Variants in RBFOX1 observed in about 807,000 individuals in gnomAD.
RBFOX1 encodes the protein RNA binding protein fox-1 homolog 1.
A neutral mutation model predicts 57.7 loss-of-function variants in RBFOX1; 8 were observed. The observed-to-expected ratio is 0.14, with a 90% CI of 0.08 to 0.25. RBFOX1 has a LOEUF of 0.25. Ranked by LOEUF, RBFOX1 falls within the 10% of genes least tolerant of loss-of-function variation. The pLI, the probability that RBFOX1 is intolerant of heterozygous loss-of-function variation, is 1.00. For synonymous variants in RBFOX1, 326 were observed against 222.4 expected (o/e 1.47, Z -4.15); for missense variants, 611 against 548.5 (o/e 1.11, Z -1.14).
rs34048578 is a variant in RBFOX1 at position 5,764,797 on chromosome 16, A to ATT, written c.319-102499_319-102498dup. 1.5e-3 allele frequency among the ~76,000 whole-genome samples: 231 copies of ATT among 151,842 alleles called. 2 individuals are homozygous for ATT. The highest frequency in any genetic ancestry group is 2.0e-3 in the Non-Finnish European group (134 of 67,936). On this transcript the variant is annotated intron_variant, in intron 3 of 19. Coordinates refer to the RBFOX1 transcript ENST00000641259. ...CCTACCTGTCATTATAACCATCATC[A>ATT]TTTTTTTTATCATTACAGCTTATTA...
At chr16:6,766,512 G>A (rs562768269) in intron 3 of RBFOX1, among the ~76,000 whole-genome samples, 1 of 151,822 alleles carries the variant, frequency 6.6e-6, no homozygotes, top group Non-Finnish European at 1.5e-5. Flanking sequence ...AAATATTCCG[G>A]AATAGCACTG....
chr16:7,614,034 C>A (rs557793887), intron 10 of RBFOX1, among the ~76,000 whole-genome samples: 1 of 152,284 alleles, frequency 6.6e-6, no homozygotes, highest in South Asian at 2.1e-4. Context: ...CCCTTCAAAG[C>A]AGCAAATATT....
intron 3 of RBFOX1, among the ~76,000 whole-genome samples, chr16:6,888,067 A>C (rs974528090): frequency 6.6e-6 from 1 of 152,120 alleles, no homozygotes; most frequent in African/African-American, 2.4e-5. Flanking sequence ...AGACGTTCCC[A>C]GGTAATTAGT....
chr16:5,500,220 C>CCGTTG (rs2043146538), intron 2 of RBFOX1, among the ~76,000 whole-genome samples: 7 of 115,046 alleles, frequency 6.1e-5, no homozygotes, highest in African/African-American at 2.5e-4. Flanking sequence ...GCATTCCGTT[C>CCGTTG]CGTTCCGTTC....
chr16:5,718,677 C>T (rs1260247058), intron 3 of RBFOX1, among the ~76,000 whole-genome samples: 2 of 152,078 alleles, frequency 1.3e-5, no homozygotes, highest in African/African-American at 4.8e-5. Context: ...GAGGCCAAGG[C>T]AGGTGGATCA....
At position 6,158,884 on chromosome 16, in the gene RBFOX1, A is replaced by C. The variant is rs150465628; in HGVS notation, c.-127+138892A>C. On this transcript the variant is annotated intron_variant, in intron 1 of 15. Coordinates refer to ENST00000550418, the MANE Select transcript of RBFOX1 (RefSeq NM_018723.4). ...GTTGGTTTTCTAGCTTTTTCTGACT[A>C]GGTGAAATTTCTCTGTCATAGGTTT... Among the ~76,000 whole-genome samples, 98 of 149,846 alleles carry C rather than the reference A, an allele frequency of 6.5e-4. No homozygotes were observed. The East Asian group carries it at 0.017, about 26-fold the overall frequency.
At chr16:5,355,415 A>G (rs1318592526) in intron 1 of RBFOX1, among the ~76,000 whole-genome samples, 2 of 152,168 alleles carry the variant, frequency 1.3e-5, no homozygotes, top group African/African-American at 4.8e-5. Context: ...AAGCCTGAGG[A>G]CAAGGAGACC....
At chr16:5,587,824 A>C (rs1014504407) in intron 2 of RBFOX1, among the ~76,000 whole-genome samples, 1 of 152,206 alleles carries the variant, frequency 6.6e-6, no homozygotes, top group East Asian at 1.9e-4. Flanking sequence ...TTAAGCAAAG[A>C]GTTGTCGTAT....
At chr16:6,537,065 G>A (rs1171785696) in intron 2 of RBFOX1, among the ~76,000 whole-genome samples, 1 of 152,118 alleles carries the variant, frequency 6.6e-6, no homozygotes, top group East Asian at 1.9e-4. Context: ...CTCAGCTCTG[G>A]TATAGGAAAC....
intron 2 of RBFOX1, among the ~76,000 whole-genome samples, chr16:6,639,335 G>A (rs889650899): frequency 6.6e-6 from 1 of 152,092 alleles, no homozygotes; most frequent in Admixed American, 6.6e-5. Context: ...TGTAGTGCTA[G>A]GATCTTTACA....
intron 2 of RBFOX1, among the ~76,000 whole-genome samples, chr16:6,464,462 CGTT>C (rs1193442809): frequency 2.6e-5 from 4 of 152,150 alleles, no homozygotes; most frequent in Non-Finnish European, 4.4e-5. Flanking sequence ...CAACAACAAG[CGTT>C]GTTTGTAATA....
At chr16:7,445,787 C>G (rs2098803259) in intron 4 of RBFOX1, among the ~76,000 whole-genome samples, 1 of 152,108 alleles carries the variant, frequency 6.6e-6, no homozygotes, top group Non-Finnish European at 1.5e-5. Context: ...ACTGATATCC[C>G]AAAAGTACCT....
At chr16:5,794,212 C>T (rs1173907582) in intron 3 of RBFOX1, among the ~76,000 whole-genome samples, 3 of 152,146 alleles carry the variant, frequency 2.0e-5, no homozygotes, top group African/African-American at 7.2e-5. Context: ...TGCATGGAAA[C>T]GTACAGAAAA....
intron 2 of RBFOX1, among the ~76,000 whole-genome samples, chr16:6,637,026 T>A (rs1203624075): frequency 9.0e-6 from 1 of 111,090 alleles, no homozygotes; most frequent in Non-Finnish European, 1.7e-5. Context: ...TGTATAAACA[T>A]TTATATGGAT....
At chr16:5,839,303 C>T (rs139690704) in intron 3 of RBFOX1, among the ~76,000 whole-genome samples, 1 of 152,124 alleles carries the variant, frequency 6.6e-6, no homozygotes, top group Non-Finnish European at 1.5e-5. Flanking sequence ...AACCAGAAAT[C>T]TCATATTTCT....
chr16:7,033,295 A>C (rs1023734357), intron 3 of RBFOX1, among the ~76,000 whole-genome samples: 3 of 152,164 alleles, frequency 2.0e-5, no homozygotes, highest in African/African-American at 7.2e-5. Flanking sequence ...CGAGGCGGGC[A>C]GATCACCCGA....
At chr16:7,143,679 G>T (rs1288100821) in intron 4 of RBFOX1, among the ~76,000 whole-genome samples, 1 of 152,010 alleles carries the variant, frequency 6.6e-6, no homozygotes, top group African/African-American at 2.4e-5. Context: ...CTGCAGATAC[G>T]ATCCTCAGCA....
At chr16:6,044,528 C>T (rs901443377) in intron 1 of RBFOX1, among the ~76,000 whole-genome samples, 2 of 151,648 alleles carry the variant, frequency 1.3e-5, no homozygotes, top group African/African-American at 2.4e-5. Context: ...CACAGGTGAG[C>T]TAATGAGCTA....
chr16:6,046,873 A>G (rs1303920808), intron 1 of RBFOX1, among the ~76,000 whole-genome samples: 3 of 152,160 alleles, frequency 2.0e-5, no homozygotes, highest in Non-Finnish European at 2.9e-5. Flanking sequence ...CAGATATTAC[A>G]TTGGGTGATT....
Sources: allele counts gnomAD v4.1 joint callset (sites outside exome capture counted in the v4.1 genomes callset), GRCh38; gene constraint gnomAD v4.1.1; transcripts MANE v1.5; gene names NCBI Gene and HGNC (gene_info 2026-07-23, HGNC 2026-07-21).